The following NCKAP5 variants were observed in gnomAD, a reference collection of about 807,000 sequenced individuals.
NCKAP5 encodes NCK associated protein 5, also known as nck-associated protein 5.
NCKAP5 carries 92 observed loss-of-function variants against 167.0 expected under a neutral mutation model. That is an observed-to-expected ratio of 0.55 (90% CI 0.47 to 0.66). The LOEUF (loss-of-function observed/expected upper bound fraction) is 0.66, where lower values mean the gene tolerates loss of function less well. Among genes scored for constraint, NCKAP5 ranks in the 30% least tolerant of loss-of-function variants. The pLI is 0.00. For synonymous variants in NCKAP5, 891 were observed against 877.4 expected, an observed-to-expected ratio of 1.02 and a Z score of -0.27; for missense variants, 2,378 against 2,315.0, an observed-to-expected ratio of 1.03 and a Z score of -0.56.
intron 6 of NCKAP5, among the ~76,000 whole-genome samples, chr2:133,075,596 T>G (rs1165332431): frequency 6.6e-6 from 1 of 152,166 alleles, no homozygotes; most frequent in African/African-American, 2.4e-5. Flanking sequence ...AGGACCTACA[T>G]AGTTAAAGAT....
At chr2:133,111,026 C>G (rs1386559410) in intron 6 of NCKAP5, among the ~76,000 whole-genome samples, 1 of 152,078 alleles carries the variant, frequency 6.6e-6, no homozygotes, top group East Asian at 1.9e-4. Context: ...CAGTCTTATC[C>G]GATTAAGGTC....
intron 3 of NCKAP5, among the ~76,000 whole-genome samples, chr2:133,348,927 C>A (rs980464407): frequency 1.3e-5 from 2 of 152,158 alleles, no homozygotes; most frequent in African/African-American, 2.4e-5. Flanking sequence ...CAAAATATTT[C>A]TTCTTAGAGG....
chr2:132,815,721 C>T (rs927395756), intron 11 of NCKAP5, among the ~76,000 whole-genome samples: 2 of 152,136 alleles, frequency 1.3e-5, no homozygotes, highest in Non-Finnish European at 2.9e-5. Context: ...CAGAAGACGT[C>T]ACCAAGCCCA....
chr2:133,034,102 A>C lies in NCKAP5; in HGVS notation c.342-39863T>G, dbSNP rs80231710. Among the ~76,000 whole-genome samples the C allele has an allele frequency of 5.2e-3, 792 of 152,254 alleles. 7 individuals are homozygous for C. Among genetic ancestry groups the C allele is most frequent in the African/African-American group, 0.018 (739 of 41,586 alleles). Reference sequence around the variant, plus strand: ...AACTCTCTAAGGCCAAGGATAAAGAAAGGATCCTAAAAACAGCGAGAGAAA... The same window carrying C: ...AACTCTCTAAGGCCAAGGATAAAGACAGGATCCTAAAAACAGCGAGAGAAA... On this transcript the variant is annotated intron_variant, in intron 6 of 19. Coordinates refer to ENST00000409261, the MANE Select transcript of NCKAP5 (RefSeq NM_207363.3).
intron 6 of NCKAP5, among the ~76,000 whole-genome samples, chr2:133,005,182 A>G (rs1196267315): frequency 6.6e-6 from 1 of 152,216 alleles, no homozygotes; most frequent in Non-Finnish European, 1.5e-5. Flanking sequence ...GAGATTAAAG[A>G]CAGGCATAGG....
At position 132,818,178 on chromosome 2, in the gene NCKAP5, G is replaced by A. The variant is rs573016071; in HGVS notation, c.808-21449C>T. Among the ~76,000 whole-genome samples the A allele has an allele frequency of 2.1e-3, 323 of 152,268 alleles. 2 individuals are homozygous for A. The highest frequency in any genetic ancestry group is 7.5e-3 in the African/African-American group (312 of 41,552). On this transcript the variant is annotated intron_variant, in intron 11 of 19. Coordinates refer to ENST00000409261, the MANE Select transcript of NCKAP5 (RefSeq NM_207363.3). ...GCCCAGGCTGGTTTCCAACTACTGG[G>A]CTCAAGCTATCCACCTGCCTCGGCA...
chr2:133,370,725 T>A (rs1685752122), intron 3 of NCKAP5, among the ~76,000 whole-genome samples: 1 of 152,046 alleles, frequency 6.6e-6, no homozygotes, highest in Admixed American at 6.6e-5. Flanking sequence ...TTGCATTTTT[T>A]AAAATAAAAA....
rs2104942328 is a variant in NCKAP5, at chr2:132,672,097, A to C, written c.*1192T>G. 1 of 152,768 alleles carries C rather than the reference A, an allele frequency of 6.5e-6. No homozygotes were observed. The highest frequency in any genetic ancestry group is 1.9e-4 in the East Asian group (1 of 5,192). The allele number at this position is 152,768 out of a possible 1,614,324, so 9.5% of individuals were successfully genotyped here. A position where few individuals can be genotyped will look rare whatever the true frequency, so the allele number is the denominator to read the frequency against. On this transcript the variant is annotated 3_prime_UTR_variant, in exon 20 of 20. Coordinates refer to ENST00000409261, the MANE Select transcript of NCKAP5 (RefSeq NM_207363.3). ...CCTTTAAAATAGAATTTATCCTTAC[A>C]TATAAACAGTCTTTGTAGAAAAAAA... is the stretch of plus-strand genomic sequence containing the variant.
chr2:132,933,072 C>G (rs747700191), intron 8 of NCKAP5, among the ~76,000 whole-genome samples: 5 of 151,986 alleles, frequency 3.3e-5, no homozygotes, highest in Non-Finnish European at 4.4e-5. Flanking sequence ...CTACAGGCAC[C>G]TGCCACCACG....
At chr2:133,524,424 T>G (rs1328926819) in intron 2 of NCKAP5, among the ~76,000 whole-genome samples, 2 of 152,232 alleles carry the variant, frequency 1.3e-5, no homozygotes, top group Admixed American at 1.3e-4. Context: ...CTGCTTAAGC[T>G]GATCCTTCTT....
intron 3 of NCKAP5, among the ~76,000 whole-genome samples, chr2:133,467,415 T>C (rs1191664921): frequency 3.3e-5 from 5 of 152,246 alleles, no homozygotes; most frequent in Admixed American, 6.5e-5. Flanking sequence ...ATTTTGCCAG[T>C]ATTTTATTGA....
chr2:133,643,587 A>T, the NCKAP5 span, among the ~76,000 whole-genome samples: 1 of 152,272 alleles, frequency 6.6e-6, no homozygotes, highest in East Asian at 1.9e-4. Context: ...GCTCTTTGTC[A>T]TATTTAATCT....
chr2:132,768,367 G>C (rs1486991000), intron 16 of NCKAP5, among the ~76,000 whole-genome samples: 1 of 152,056 alleles, frequency 6.6e-6, no homozygotes, highest in Non-Finnish European at 1.5e-5. Flanking sequence ...GACAATGAAT[G>C]GTATTTGAAT....
chr2:133,251,330 A>G (rs2088312324), intron 4 of NCKAP5, among the ~76,000 whole-genome samples: 1 of 152,184 alleles, frequency 6.6e-6, no homozygotes, highest in Non-Finnish European at 1.5e-5. Context: ...GGATGCCTGT[A>G]TCTGCTGCTA....
intron 3 of NCKAP5, among the ~76,000 whole-genome samples, chr2:133,487,070 T>C (rs1294688648): frequency 1.3e-5 from 2 of 152,194 alleles, no homozygotes; most frequent in Admixed American, 6.5e-5. Context: ...CCCGGACATT[T>C]TCCTGTTTGG....
At chr2:133,387,543 G>A (rs553134457) in intron 3 of NCKAP5, among the ~76,000 whole-genome samples, 12 of 152,254 alleles carry the variant, frequency 7.9e-5, no homozygotes, top group Admixed American at 2.6e-4. Context: ...CTCTTCTCGA[G>A]GAGTATCTTT....
intron 3 of NCKAP5, among the ~76,000 whole-genome samples, chr2:133,498,744 A>G (rs1162281694): frequency 6.6e-6 from 1 of 152,204 alleles, no homozygotes; most frequent in Non-Finnish European, 1.5e-5. Flanking sequence ...AAAAGAAGGA[A>G]GTGATTTTCA....
chr2:133,131,911 A>G (rs2082615180), intron 5 of NCKAP5, among the ~76,000 whole-genome samples: 3 of 152,170 alleles, frequency 2.0e-5, no homozygotes, highest in Non-Finnish European at 2.9e-5. Flanking sequence ...AGAAACATGG[A>G]CAAGTCACCA....
chr2:132,884,080 G>C (rs1692015308), intron 8 of NCKAP5, among the ~76,000 whole-genome samples: 1 of 152,052 alleles, frequency 6.6e-6, no homozygotes. Flanking sequence ...TCTTCTTCAG[G>C]TTACAGTTTT....
Sources: gnomAD v4.1 joint callset for allele counts (sites outside exome capture counted in the v4.1 genomes callset) on GRCh38, gnomAD v4.1.1 for gene constraint, MANE v1.5 for transcripts, NCBI Gene and HGNC (gene_info 2026-07-23, HGNC 2026-07-21) for gene names.